The following FTO variants were observed in gnomAD, a reference collection of about 807,000 sequenced individuals.
FTO encodes FTO alpha-ketoglutarate dependent dioxygenase.
Under a neutral mutation model 63.9 loss-of-function variants are expected in FTO, and 47 were observed. The ratio of observed to expected loss-of-function variants is 0.74; its 90% CI spans 0.58 to 0.94. The LOEUF (loss-of-function observed/expected upper bound fraction) is 0.94. FTO is among the 40% of genes least tolerant of loss of function. The pLI is 0.00. For synonymous variants in FTO, 207 were observed against 224.4 expected (o/e 0.92, Z 0.69); for missense variants, 562 against 618.1 (o/e 0.91, Z 0.96).
intron 8 of FTO, among the ~76,000 whole-genome samples, chr16:54,081,745 CT>C (rs2086149258): frequency 6.6e-6 from 1 of 152,174 alleles, no homozygotes; most frequent in African/African-American, 2.4e-5. Flanking sequence ...AGTCTATGGA[CT>C]TTCCTTCCTT....
intron 1 of FTO, among the ~76,000 whole-genome samples, chr16:53,706,659 A>G (rs1401081139): frequency 3.3e-5 from 5 of 152,108 alleles, no homozygotes; most frequent in African/African-American, 2.4e-5. Context: ...TCTGCTACCC[A>G]AAGTACTGGG....
intron 8 of FTO, among the ~76,000 whole-genome samples, chr16:53,961,993 C>T (rs994023769): frequency 2.6e-5 from 4 of 152,140 alleles, no homozygotes; most frequent in South Asian, 2.1e-4. Context: ...CAAGGTACAC[C>T]GCCTCCCAAA....
chr16:53,869,739 C>G (rs2080442199), intron 4 of FTO, among the ~76,000 whole-genome samples: 1 of 152,116 alleles, frequency 6.6e-6, no homozygotes, highest in Admixed American at 6.6e-5. Flanking sequence ...ATTTCCATCC[C>G]TCTGCTTACG....
At chr16:53,704,265 C>A (rs1971826012) in intron 1 of FTO, 36 bp downstream of exon 1, 1 of 1,547,662 alleles carries the variant, frequency 6.5e-7, no homozygotes, top group East Asian at 2.4e-5. Context: ...GATCTTCGTG[C>A]GCTGTGAGCA....
At chr16:53,843,587 GAAA>G (rs1328157875) in intron 3 of FTO, among the ~76,000 whole-genome samples, 1 of 151,954 alleles carries the variant, frequency 6.6e-6, no homozygotes, top group Non-Finnish European at 1.5e-5. Flanking sequence ...TATATATTTA[GAAA>G]AACATTCCTT....
intron 8 of FTO, among the ~76,000 whole-genome samples, chr16:53,941,797 C>T (rs1247458503): frequency 2.6e-5 from 4 of 152,126 alleles, no homozygotes; most frequent in Non-Finnish European, 4.4e-5. Context: ...TGCAGTGAGC[C>T]GATTGCATCA....
chr16:53,943,500 ACATT>A (rs1170696499), intron 8 of FTO, among the ~76,000 whole-genome samples: 1 of 152,236 alleles, frequency 6.6e-6, no homozygotes, highest in Non-Finnish European at 1.5e-5. Flanking sequence ...TATCCAACAT[ACATT>A]TATTAAGTGT....
At chr16:54,048,758 A>G (rs1320994772) in intron 8 of FTO, among the ~76,000 whole-genome samples, 6 of 152,202 alleles carry the variant, frequency 3.9e-5, no homozygotes, top group African/African-American at 1.4e-4. Context: ...TAAGTATTCC[A>G]TGCACATTCA....
chr16:53,745,762 GT>G (rs1567950012), intron 1 of FTO, among the ~76,000 whole-genome samples: 1 of 152,092 alleles, frequency 6.6e-6, no homozygotes, highest in African/African-American at 2.4e-5. Context: ...TGAGGGTTCC[GT>G]TGCTTTGGAT....
intron 8 of FTO, among the ~76,000 whole-genome samples, chr16:54,107,369 T>G (rs1365400424): frequency 6.6e-6 from 1 of 152,212 alleles, no homozygotes; most frequent in Non-Finnish European, 1.5e-5. Flanking sequence ...GAAGGGAATC[T>G]TGTTAACTTT....
intron 1 of FTO, among the ~76,000 whole-genome samples, chr16:53,713,329 C>T (rs2075820626): frequency 6.6e-6 from 1 of 152,140 alleles, no homozygotes; most frequent in South Asian, 2.1e-4. Context: ...TTTATTATGG[C>T]AGTTTTCTTG....
chr16:53,999,410 C>G (rs2084018446), intron 8 of FTO, among the ~76,000 whole-genome samples: 1 of 152,150 alleles, frequency 6.6e-6, no homozygotes, highest in Admixed American at 6.5e-5. Flanking sequence ...TGCATAAATC[C>G]CCTTAACAAA....
At chr16:53,945,355 G>A (rs1172454025) in intron 8 of FTO, among the ~76,000 whole-genome samples, 1 of 152,182 alleles carries the variant, frequency 6.6e-6, no homozygotes, top group Non-Finnish European at 1.5e-5. Context: ...TGAGAAAACC[G>A]AGGCACAGAG....
intron 1 of FTO, among the ~76,000 whole-genome samples, chr16:53,739,776 C>G (rs151046067): frequency 1.3e-5 from 2 of 151,418 alleles, no homozygotes; most frequent in African/African-American, 4.9e-5. Flanking sequence ...TATAATTCTC[C>G]TAATATAAAA....
chr16:54,084,820 G>A (rs918030), intron 8 of FTO, among the ~76,000 whole-genome samples: 77,911 of 151,606 alleles, frequency 0.51, 20,244 homozygotes, highest in Middle Eastern at 0.58. Flanking sequence ...GGCATGACCT[G>A]CCATGCTGCT....
At chr16:54,025,815 C>T (rs549471251) in intron 8 of FTO, among the ~76,000 whole-genome samples, 2 of 152,326 alleles carry the variant, frequency 1.3e-5, no homozygotes, top group East Asian at 3.9e-4. Context: ...AAGTTTGACA[C>T]CAGCCTGGCC....
chr16:53,739,877 A>T (rs187689565), intron 1 of FTO, among the ~76,000 whole-genome samples: 8 of 152,284 alleles, frequency 5.3e-5, no homozygotes, highest in Non-Finnish European at 1.2e-4. Flanking sequence ...AAATATTTGC[A>T]TGTACTTAAA....
In FTO at chr16:53,810,219, TA is replaced by T; in HGVS notation, c.123+4del. On this transcript the variant is annotated splice_donor_region_variant and intron_variant, in intron 2 of 8. Transcript: ENST00000471389. ...AAAGATGATGAATTCTATCAGCAGG[TA>T]AGGTATTTTAATATTTTTATCAGTT... is the stretch of plus-strand genomic sequence containing the variant. 1 of 1,581,820 alleles carries T rather than the reference TA, an allele frequency of 6.3e-7. No homozygotes were observed. Among genetic ancestry groups the T allele is most frequent in the South Asian group, 1.1e-5 (1 of 90,380 alleles).
intron 1 of FTO, among the ~76,000 whole-genome samples, chr16:53,740,685 GT>G (rs1306044241): frequency 1.2e-4 from 18 of 152,282 alleles, no homozygotes; most frequent in Admixed American, 3.9e-4. Context: ...TCAGTTGACA[GT>G]TTTTATTGAT....
Sources: gnomAD v4.1 joint callset for allele counts (sites outside exome capture counted in the v4.1 genomes callset) on GRCh38, gnomAD v4.1.1 for gene constraint, MANE v1.5 for transcripts, NCBI Gene and HGNC (gene_info 2026-07-23, HGNC 2026-07-21) for gene names.